Variants in HSD17B12 observed in about 807,000 individuals in gnomAD.
The protein encoded by HSD17B12 is very-long-chain 3-oxoacyl-CoA reductase.
HSD17B12 carries 32 observed loss-of-function variants against 39.3 expected under a neutral mutation model. That is an observed-to-expected ratio of 0.81 (90% CI 0.61 to 1.09). HSD17B12 has a LOEUF of 1.09. Among genes scored for constraint, HSD17B12 ranks in the 50% least tolerant of loss-of-function variants. The probability of loss-of-function intolerance (pLI) is 0.00; values close to 1 mark genes in which losing one functional copy is unlikely to be tolerated. For synonymous variants in HSD17B12, 150 were observed against 146.7 expected, an observed-to-expected ratio of 1.02 and a Z score of -0.16; for missense variants, 342 against 382.9, an observed-to-expected ratio of 0.89 and a Z score of 0.89.
chr11:43,657,632 A>G, the HSD17B12 span, among the ~76,000 whole-genome samples: 1 of 152,078 alleles, frequency 6.6e-6, no homozygotes, highest in African/African-American at 2.4e-5. Flanking sequence ...GCTTGTCTGT[A>G]AAGTATTTTA....
chr11:43,644,722 CTGGGTGT>C, the HSD17B12 span: 4 of 152,746 alleles, frequency 2.6e-5, no homozygotes, highest in African/African-American at 9.7e-5. Context: ...CAGCAGTGTC[CTGGGTGT>C]TGTCTGTCTG....
intron 2 of HSD17B12, among the ~76,000 whole-genome samples, chr11:43,752,381 G>A (rs1325877079): frequency 1.3e-5 from 2 of 152,078 alleles, no homozygotes; most frequent in Admixed American, 6.6e-5. Context: ...TTCATTGATA[G>A]TTTTTGCCTA....
At chr11:43,734,551 TC>T in intron 1 of HSD17B12, 1 of 553,650 alleles carries the variant, frequency 1.8e-6, no homozygotes, top group Non-Finnish European at 3.1e-6. Context: ...TCCGTGCCCC[TC>T]CAGCTGCCCC....
intron 3 of HSD17B12, among the ~76,000 whole-genome samples, chr11:43,783,264 C>A (rs917609361): frequency 2.0e-5 from 3 of 152,066 alleles, no homozygotes; most frequent in African/African-American, 7.2e-5. Context: ...AATTATTCCT[C>A]AATGTTAATT....
At chr11:43,587,729 A>G in the HSD17B12 span, among the ~76,000 whole-genome samples, 1 of 152,190 alleles carries the variant, frequency 6.6e-6, no homozygotes, top group African/African-American at 2.4e-5. Flanking sequence ...TAGGCTAAGT[A>G]TTCTTGGTAA....
the HSD17B12 span, among the ~76,000 whole-genome samples, chr11:43,642,706 G>A: frequency 2.6e-5 from 4 of 151,854 alleles, no homozygotes; most frequent in African/African-American, 9.6e-5. Flanking sequence ...TAAAGAGTTA[G>A]GTGAGAATTA....
At chr11:43,809,689 G>A (rs766512396) in intron 4 of HSD17B12, among the ~76,000 whole-genome samples, 10 of 152,044 alleles carry the variant, frequency 6.6e-5, no homozygotes, top group South Asian at 2.1e-4. Flanking sequence ...TCGTGGTGGC[G>A]CATGCCTGTA....
intron 1 of HSD17B12, chr11:43,719,140 C>G: frequency 1.3e-6 from 1 of 758,244 alleles, no homozygotes; most frequent in Non-Finnish European, 2.4e-6. Flanking sequence ...AAATTGGGAT[C>G]ATCTAAACTT....
chr11:43,683,826 ATTC>A (rs1302875779), intron 1 of HSD17B12, among the ~76,000 whole-genome samples: 1 of 151,984 alleles, frequency 6.6e-6, no homozygotes, highest in African/African-American at 2.4e-5. Flanking sequence ...TATTCTTGTT[ATTC>A]TTAGTCTCTT....
In HSD17B12 at chr11:43,681,228, C is replaced by T. The variant is rs570334394; in HGVS notation, c.160+241C>T. The T allele has an allele frequency of 9.1e-5, 109 of 1,195,050 alleles. No individual in the cohort carries two copies. In the African/African-American group the frequency reaches 1.7e-3, roughly 18 times the overall value. The allele number at this position is 1,195,050 out of a possible 1,614,324, so 74.0% of individuals were successfully genotyped here. On this transcript the variant is annotated intron_variant, in intron 1 of 10. Transcript: ENST00000278353. ...CTCAATCCTGGGAATCTAAGCTCAG[C>T]TTAGGGTGTAGGAGAAAACTGCCTT...
intron 1 of HSD17B12, among the ~76,000 whole-genome samples, chr11:43,743,270 A>G (rs1298267209): frequency 2.0e-5 from 3 of 152,180 alleles, no homozygotes; most frequent in African/African-American, 7.2e-5. Context: ...TTGACCTTTC[A>G]TCTCTTGGAA....
At chr11:43,765,602 T>C (rs1436068804) in intron 3 of HSD17B12, among the ~76,000 whole-genome samples, 1 of 152,172 alleles carries the variant, frequency 6.6e-6, no homozygotes, top group Non-Finnish European at 1.5e-5. Context: ...TCTGGGACTT[T>C]AGTTACGTAT....
the HSD17B12 span, among the ~76,000 whole-genome samples, chr11:43,631,570 CCTGT>C: frequency 6.7e-6 from 1 of 148,300 alleles, no homozygotes; most frequent in Non-Finnish European, 1.5e-5. Flanking sequence ...TCTCTCTCTG[CCTGT>C]CTCTCTCTCT....
At chr11:43,717,340 G>A (rs1312980153) in intron 1 of HSD17B12, among the ~76,000 whole-genome samples, 3 of 152,168 alleles carry the variant, frequency 2.0e-5, no homozygotes, top group Non-Finnish European at 4.4e-5. Flanking sequence ...TATGCTAAAA[G>A]TCACTGTGAA....
At chr11:43,805,021 C>T (rs1226557281) in intron 4 of HSD17B12, among the ~76,000 whole-genome samples, 1 of 152,102 alleles carries the variant, frequency 6.6e-6, no homozygotes, top group Non-Finnish European at 1.5e-5. Context: ...GAGAGAGAAC[C>T]AAGGCACTAC....
the HSD17B12 span, among the ~76,000 whole-genome samples, chr11:43,652,615 A>G: frequency 3.9e-5 from 6 of 152,156 alleles, no homozygotes; most frequent in East Asian, 1.9e-4. Flanking sequence ...TTTGGGTTCA[A>G]TTAATTTGCT....
the HSD17B12 span, among the ~76,000 whole-genome samples, chr11:43,622,336 A>G: frequency 6.6e-6 from 1 of 152,152 alleles, no homozygotes; most frequent in Non-Finnish European, 1.5e-5. Flanking sequence ...TATTATTTAA[A>G]GTTGAAGTCT....
At chr11:43,754,941 G>A in intron 3 of HSD17B12, 5 of 749,168 alleles carry the variant, frequency 6.7e-6, no homozygotes, top group African/African-American at 1.7e-5. Flanking sequence ...CAATCAACCA[G>A]ATGGATAAAC....
At chr11:43,692,419 C>A (rs561546638) in intron 1 of HSD17B12, among the ~76,000 whole-genome samples, 13 of 152,246 alleles carry the variant, frequency 8.5e-5, no homozygotes, top group African/African-American at 2.2e-4. Context: ...GCACTGAGAT[C>A]AAAAAGATGT....
Sources: gnomAD v4.1 joint callset for allele counts (sites outside exome capture counted in the v4.1 genomes callset) on GRCh38, gnomAD v4.1.1 for gene constraint, MANE v1.5 for transcripts, NCBI Gene and HGNC (gene_info 2026-07-23, HGNC 2026-07-21) for gene names.